The following CEP97 variants were observed in gnomAD, a reference collection of about 807,000 sequenced individuals.
The protein encoded by CEP97 is centrosomal protein of 97 kDa.
CEP97 carries 43 observed loss-of-function variants against 73.1 expected under a neutral mutation model. The ratio of observed to expected loss-of-function variants is 0.59; its 90% CI spans 0.46 to 0.76. The LOEUF is 0.76. CEP97 is among the 30% of genes least tolerant of loss of function. The pLI is 0.00. For missense variants in CEP97, 939 were observed against 1,014.0 expected (o/e 0.93, Z 1.00); for synonymous variants, 337 against 370.0 (o/e 0.91, Z 1.02).
chr3:101,732,846 C>T (rs555519917), intron 6 of CEP97, among the ~76,000 whole-genome samples, 192 bp downstream of exon 6: 2 of 152,062 alleles, frequency 1.3e-5, no homozygotes, highest in East Asian at 3.9e-4. Context: ...AAATATTGGC[C>T]TGGTGCAGTG....
intron 6 of CEP97, among the ~76,000 whole-genome samples, chr3:101,752,828 C>T (rs1373282426): frequency 6.6e-6 from 1 of 152,050 alleles, no homozygotes; most frequent in Non-Finnish European, 1.5e-5. Context: ...ACTTCTTTGC[C>T]TTTGGTTTCA....
chr3:101,753,351 G>T (rs910516044), intron 6 of CEP97, among the ~76,000 whole-genome samples: 3 of 152,194 alleles, frequency 2.0e-5, no homozygotes, highest in Non-Finnish European at 4.4e-5. Context: ...AGGGGTCAGG[G>T]GTCAGGGACC....
At chr3:101,750,580 C>T (rs1339633994) in intron 6 of CEP97, among the ~76,000 whole-genome samples, 1 of 152,204 alleles carries the variant, frequency 6.6e-6, no homozygotes, top group Non-Finnish European at 1.5e-5. Flanking sequence ...ATTATTGCCA[C>T]AATTTCAGAG....
In CEP97 at chr3:101,765,356, C is replaced by T. The variant is rs1455465832; in HGVS notation, c.2403C>T (p.His801=). 1.2e-6 allele frequency: 2 copies of T among 1,614,170 alleles called. No homozygotes were observed. Among genetic ancestry groups the T allele is most frequent in the African/African-American group, 1.3e-5 (1 of 75,064 alleles). Residue 801 remains histidine, a synonymous_variant, in exon 11 of 11, where the codon CAC becomes CAT. Coordinates refer to ENST00000341893, the MANE Select transcript of CEP97 (RefSeq NM_024548.4). The part of the protein sequence containing the change: ...FDTETRDSKL[H]IACFPVQLDT... ...CAGAGACAAGAGATAGCAAACTTCA[C>T]ATTGCTTGTTTCCCAGTACAGTTAG...
At chr3:101,761,212 G>A (rs1350398666) in intron 9 of CEP97, among the ~76,000 whole-genome samples, 2 of 152,246 alleles carry the variant, frequency 1.3e-5, no homozygotes, top group East Asian at 1.9e-4. Flanking sequence ...AGGCAGGGGG[G>A]AAGGATCATT....
intron 6 of CEP97, among the ~76,000 whole-genome samples, chr3:101,741,843 C>T (rs1938465404): frequency 6.6e-6 from 1 of 151,970 alleles, no homozygotes. Context: ...AGTTCGAGAC[C>T]AGCCTGACCA....
intron 6 of CEP97, among the ~76,000 whole-genome samples, chr3:101,752,551 T>C (rs940705383): frequency 2.6e-5 from 4 of 152,242 alleles, no homozygotes; most frequent in Non-Finnish European, 5.9e-5. Context: ...CTAGATTTGG[T>C]CTTTTCACAT....
At chr3:101,754,137 C>A (rs1022466464) in intron 6 of CEP97, among the ~76,000 whole-genome samples, 1 of 150,820 alleles carries the variant, frequency 6.6e-6, no homozygotes, top group East Asian at 1.9e-4. Context: ...ATCCTCCCAC[C>A]GCAGCCCCAC....
At chr3:101,763,107 A>G in intron 10 of CEP97, 1 of 1,188,300 alleles carries the variant, frequency 8.4e-7, no homozygotes, top group Non-Finnish European at 1.1e-6. Context: ...TCTTTTTTAT[A>G]GAAATGGGGT....
intron 6 of CEP97, among the ~76,000 whole-genome samples, chr3:101,733,081 T>C (rs991531180): frequency 2.6e-5 from 4 of 152,066 alleles, no homozygotes; most frequent in Admixed American, 2.6e-4. Context: ...TATGGTTGTG[T>C]CATTGCACTC....
chr3:101,755,410 T>C lies in CEP97; in HGVS notation c.729-20T>C. The C allele has an allele frequency of 6.2e-7, 1 of 1,612,050 alleles. No homozygotes were observed. Among genetic ancestry groups the C allele is most frequent in the Non-Finnish European group, 8.5e-7 (1 of 1,178,376 alleles). Reference sequence around the variant, plus strand: ...ACTATTCTCATGCCATCTCCTCTTTTTTATGTTCCCCAATTCCAGTTTGAA... The same window carrying C: ...ACTATTCTCATGCCATCTCCTCTTTCTTATGTTCCCCAATTCCAGTTTGAA... On this transcript the variant is annotated intron_variant, in intron 6 of 10. Coordinates refer to ENST00000341893, the MANE Select transcript of CEP97 (RefSeq NM_024548.4).
At chr3:101,745,052 G>A (rs922088439) in intron 6 of CEP97, among the ~76,000 whole-genome samples, 6 of 152,152 alleles carry the variant, frequency 3.9e-5, no homozygotes, top group African/African-American at 7.2e-5. Context: ...AGAGTTAAGC[G>A]TACCTGTGGA....
chr3:101,754,876 T>A (rs1451351770), intron 6 of CEP97, among the ~76,000 whole-genome samples: 1 of 151,676 alleles, frequency 6.6e-6, no homozygotes, highest in African/African-American at 2.4e-5. Flanking sequence ...GATATGGATG[T>A]TTGTTCAGAT....
intron 6 of CEP97, among the ~76,000 whole-genome samples, chr3:101,733,539 AT>A (rs1938178411): frequency 1.4e-5 from 2 of 146,958 alleles, no homozygotes. Flanking sequence ...TTTATTTTTT[AT>A]TTTTTTTTGA....
chr3:101,743,287 C>T (rs188361500), intron 6 of CEP97, among the ~76,000 whole-genome samples: 2 of 151,226 alleles, frequency 1.3e-5, no homozygotes, highest in Middle Eastern at 3.2e-3. Context: ...TCCCTCTGGT[C>T]GTAACTCCCC....
At chr3:101,733,890 G>T (rs1938196165) in intron 6 of CEP97, among the ~76,000 whole-genome samples, 1 of 151,618 alleles carries the variant, frequency 6.6e-6, no homozygotes. Context: ...GCAATGGCGC[G>T]ATCTCTGCTC....
chr3:101,747,885 G>A (rs1370046958), intron 6 of CEP97, among the ~76,000 whole-genome samples: 3 of 151,608 alleles, frequency 2.0e-5, no homozygotes, highest in South Asian at 4.2e-4. Context: ...TGCCTGGGAA[G>A]GTCAACACAG....
rs1232186513 is a variant in CEP97 at position 101,767,678 on chromosome 3, A to G, written c.*2127A>G. 1 of 152,188 alleles carries G rather than the reference A, an allele frequency of 6.6e-6. No homozygotes were observed. 9.4% of individuals were successfully genotyped at this position (152,188 alleles called of 1,614,324 possible). On this transcript the variant is annotated 3_prime_UTR_variant, in exon 11 of 11. Transcript: ENST00000341893. ...CTTTGCCTTGTTTCTTTAGCCCACA[A>G]ATAGTACTCAGCATACTTTCATTAA...
In CEP97 at chr3:101,728,878, G is replaced by A. The variant is rs1160344113; in HGVS notation, c.388G>A (p.Asp130Asn). Residue 130 changes from aspartate to asparagine, a missense_variant, in exon 4 of 11, where the codon GAT (aspartate) becomes AAT (asparagine). Physicochemically the swap from Asp to Asn is conservative, Grantham distance 23. Transcript: ENST00000341893. ...TAGCTGCACAGCTCTACAGCATCTC[G>A]ATTTATCAGACAATAATATATCCCA... ...INSCTALQHLDLSDNNISQIG... is the reference protein window; with the variant it reads ...INSCTALQHLNLSDNNISQIG... 9.3e-6 allele frequency: 15 copies of A among 1,608,514 alleles called. No individual in the cohort carries two copies. Among genetic ancestry groups the A allele is most frequent in the East Asian group, 2.2e-5 (1 of 44,858 alleles).
Sources: gnomAD v4.1 joint callset for allele counts (sites outside exome capture counted in the v4.1 genomes callset) on GRCh38, gnomAD v4.1.1 for gene constraint, MANE v1.5 for transcripts, NCBI Gene and HGNC (gene_info 2026-07-23, HGNC 2026-07-21) for gene names.